Variants in BAHCC1 observed in about 807,000 individuals in gnomAD.
BAHCC1 encodes the protein BAH and coiled-coil domain-containing protein 1.
Under a neutral mutation model 88.2 loss-of-function variants are expected in BAHCC1, and 43 were observed. That is an observed-to-expected ratio of 0.49 (90% CI 0.38 to 0.63). BAHCC1 has a LOEUF of 0.63. Among genes scored for constraint, BAHCC1 ranks in the 20% least tolerant of loss-of-function variants. The pLI is 0.00. For missense variants in BAHCC1, 3,023 were observed against 1,654.8 expected (o/e 1.83, Z -14.34); for synonymous variants, 1,510 against 745.5 (o/e 2.03, Z -16.71).
chr17:81,432,578 C>CCCTCCCTCCCATCGCCGGGCCCAT (rs2064275140), intron 3 of BAHCC1, among the ~76,000 whole-genome samples: 1 of 138,012 alleles, frequency 7.2e-6, no homozygotes, highest in Admixed American at 7.2e-5. Context: ...GCCGGGCCCA[C>CCCTCCCTCCCATCGCCGGGCCCAT]CCTCCCCTCC....
Position 81,460,561 on chromosome 17 carries a change from T to G in BAHCC1, c.6057T>G (p.Ser2019=). 1 of 767,184 alleles carries G rather than the reference T, an allele frequency of 1.3e-6. No individual in the cohort carries two copies. Among genetic ancestry groups the G allele is most frequent in the Non-Finnish European group, 2.4e-6 (1 of 411,814 alleles). The allele number at this position is 767,184 out of a possible 1,614,324, so 47.5% of individuals were successfully genotyped here. ...AGCCCTCTCCAGCCCTGCTAGTGTC[T>G]AGCAGCTGCCGGAGGACCAAGAAGG... ...CTEPSPALLV[S]SSCRRTKKVS... is the part of the protein sequence containing the mutation. The change falls in exon 25 of 28, where the codon TCT becomes TCG. Residue 2019 remains serine (S), a synonymous_variant. Coordinates refer to ENST00000675386, the MANE Select transcript of BAHCC1 (RefSeq NM_001377448.1).
At chr17:81,424,600 GGTT>G (rs1354701188) in intron 2 of BAHCC1, among the ~76,000 whole-genome samples, 18 of 152,026 alleles carry the variant, frequency 1.2e-4, no homozygotes, top group South Asian at 4.1e-4. Context: ...GTGGTGGTGT[GGTT>G]GTTGTTGAAT....
chr17:81,431,231 G>T (rs1363405270), intron 3 of BAHCC1, among the ~76,000 whole-genome samples: 1 of 152,056 alleles, frequency 6.6e-6, no homozygotes, highest in Admixed American at 6.5e-5. Flanking sequence ...CATACCCTCG[G>T]CCCCTCACCG....
intron 23 of BAHCC1, 32 bp from the exon 24 acceptor site, chr17:81,460,245 T>C: frequency 1.4e-6 from 1 of 737,300 alleles, no homozygotes; most frequent in Non-Finnish European, 2.5e-6. Flanking sequence ...TACTGGGGGT[T>C]CCAGCTGCAA....
chr17:81,427,105 A>G (rs1171591987), intron 3 of BAHCC1, 126 bp downstream of exon 3: 1 of 398,098 alleles, frequency 2.5e-6, no homozygotes, highest in Non-Finnish European at 4.4e-6. Flanking sequence ...GACGGTGACA[A>G]GCAGGCTCGG....
In BAHCC1 at chr17:81,432,886, CCCCCCCCATCCCCAGGCCCACCCTT is replaced by C. The variant is rs1277931278; in HGVS notation, c.359-5477_359-5453del. ...TTCCCCCCATCCCCAGGCCCAACCTCCCCCCCCATCCCCAGGCCCACCCTTCCCCCCATCCCCAGGAAGGCTGCGC... is the reference window on the plus strand; with the variant it reads ...TTCCCCCCATCCCCAGGCCCAACCTCCCCCCCATCCCCAGGAAGGCTGCGC... On this transcript the variant is annotated intron_variant, in intron 3 of 27. Transcript: ENST00000675386. Among the ~76,000 whole-genome samples the C allele has an allele frequency of 7.6e-3, 87 of 11,462 alleles. 4 individuals are homozygous for C. Among genetic ancestry groups the C allele is most frequent in the African/African-American group, 0.05 (80 of 1,590 alleles). The allele number at this position is 11,462 out of a possible 152,430, so 7.5% of individuals were successfully genotyped here. A position where few individuals can be genotyped will look rare whatever the true frequency, so the allele number is the denominator to read the frequency against.
At position 81,445,493 on chromosome 17, in the gene BAHCC1, C is replaced by G. The variant is rs782014773; in HGVS notation, c.2975C>G (p.Pro992Arg). 6 of 749,808 alleles carry G rather than the reference C, an allele frequency of 8.0e-6. No homozygotes were observed. 46.4% of individuals were successfully genotyped at this position (749,808 alleles called of 1,614,324 possible). A position where few individuals can be genotyped will look rare whatever the true frequency, so the allele number is the denominator to read the frequency against. ...SPAAGPTKLP[P>R]CCHPPDPKPP... ...GCTGCAGGCCCCACCAAGCTGCCACCTTGCTGCCATCCGCCCGACCCAAAG... is the reference window on the plus strand; with the variant it reads ...GCTGCAGGCCCCACCAAGCTGCCACGTTGCTGCCATCCGCCCGACCCAAAG... The change falls in exon 10 of 28, where the codon CCT (proline) becomes CGT (arginine). Residue 992 changes from proline to arginine, a missense_variant. Transcript: ENST00000675386.
chr17:81,437,731 G>A (rs558381454), intron 3 of BAHCC1, among the ~76,000 whole-genome samples: 2 of 152,228 alleles, frequency 1.3e-5, no homozygotes, highest in Admixed American at 6.5e-5. Context: ...GGCATGACTC[G>A]GAGTCACCGC....
At chr17:81,418,796 C>CGTGTGTGCGTGTGTGTGTGTGCGCGCAT (rs1555649106) in intron 2 of BAHCC1, among the ~76,000 whole-genome samples, 19 of 144,918 alleles carry the variant, frequency 1.3e-4, no homozygotes, top group South Asian at 6.5e-4. Flanking sequence ...TACGTGTGTG[C>CGTGTGTGCGTGTGTGTGTGTGCGCGCAT]GTGTGTGTGT....
chr17:81,458,637 T>C lies in BAHCC1; in HGVS notation c.5360T>C (p.Leu1787Pro). The C allele has an allele frequency of 9.8e-6, 7 of 717,578 alleles. No individual in the cohort carries two copies. Among genetic ancestry groups the C allele is most frequent in the Non-Finnish European group, 1.6e-5 (6 of 385,380 alleles). The allele number at this position is 717,578 out of a possible 1,614,324, so 44.5% of individuals were successfully genotyped here. The change falls in exon 19 of 28, where the codon CTG becomes CCG. Residue 1787 changes from leucine to proline, a missense_variant. Leu to Pro is a moderately conservative substitution (Grantham distance 98). Coordinates refer to ENST00000675386, the MANE Select transcript of BAHCC1 (RefSeq NM_001377448.1). ...CACGCGCAGCGGAAGAACGGGGCCC[T>C]GTCCATCACGCTGGCCACACGCAAC... ...QPVLRRKNGALSITLATRNAK... is the reference protein window; with the variant it reads ...QPVLRRKNGAPSITLATRNAK...
chr17:81,463,872 G>A lies in BAHCC1; in HGVS notation c.*55G>A. The A allele has an allele frequency of 1.4e-6, 1 of 692,904 alleles. No homozygotes were observed. Among genetic ancestry groups the A allele is most frequent in the Admixed American group, 2.0e-5 (1 of 49,758 alleles). The allele number at this position is 692,904 out of a possible 1,614,324, so 42.9% of individuals were successfully genotyped here. Reference sequence around the variant, plus strand: ...GCCAGGGACCCTGTGTGCGGAGCCTGGCGTCGGCCAAGCCACCGGGCAGGA... The same window carrying A: ...GCCAGGGACCCTGTGTGCGGAGCCTAGCGTCGGCCAAGCCACCGGGCAGGA... On this transcript the variant is annotated 3_prime_UTR_variant, in exon 28 of 28. Coordinates refer to ENST00000675386, the MANE Select transcript of BAHCC1 (RefSeq NM_001377448.1).
intron 14 of BAHCC1, among the ~76,000 whole-genome samples, chr17:81,454,723 A>G (rs977643050): frequency 2.6e-5 from 4 of 152,144 alleles, no homozygotes; most frequent in Non-Finnish European, 5.9e-5. Flanking sequence ...CCCGGCCTGC[A>G]TAAGCCCTGC....
In BAHCC1 at chr17:81,399,513, CCT is replaced by C; in HGVS notation, c.-206-18_-206-17del. On this transcript the variant is annotated intron_variant, in intron 1 of 27. Transcript: ENST00000675386. This position sits in a 1 kb window ranked among gnomAD's most constrained non-coding sequence, Gnocchi z 4.5. The stretch of plus-strand genomic sequence containing the variant: ...CCGAGCCCCCCAGTCACCCGTGTCT[CCT>C]CTGCTTTTGCCTCCACAGACCATGG... 2 of 340,070 alleles carry C rather than the reference CCT, an allele frequency of 5.9e-6. No homozygotes were observed. Among genetic ancestry groups the C allele is most frequent in the South Asian group, 4.1e-5 (2 of 49,100 alleles). The allele number at this position is 340,070 out of a possible 1,614,324, so 21.1% of individuals were successfully genotyped here.
chr17:81,435,519 G>C lies in BAHCC1; in HGVS notation c.359-2851G>C. 2.1e-6 allele frequency: 1 copy of C among 470,582 alleles called. No homozygotes were observed. The highest frequency in any genetic ancestry group is 4.4e-6 in the Non-Finnish European group (1 of 226,748). 29.2% of individuals were successfully genotyped at this position (470,582 alleles called of 1,614,324 possible). A position where few individuals can be genotyped will look rare whatever the true frequency, so the allele number is the denominator to read the frequency against. ...GCCCAGGGCTTGCCCTTGTCTGTTGGGGTGATCATAAAAGCTCCCGTCTCA... is the reference window on the plus strand; with the variant it reads ...GCCCAGGGCTTGCCCTTGTCTGTTGCGGTGATCATAAAAGCTCCCGTCTCA... On this transcript the variant is annotated intron_variant, in intron 3 of 27. Coordinates refer to ENST00000675386, the MANE Select transcript of BAHCC1 (RefSeq NM_001377448.1). The surrounding 1 kb of genome is among the most constrained non-coding windows in gnomAD (Gnocchi z 4.4).
At chr17:81,429,565 G>A (rs1172596257) in intron 3 of BAHCC1, among the ~76,000 whole-genome samples, 2 of 152,190 alleles carry the variant, frequency 1.3e-5, no homozygotes, top group East Asian at 1.9e-4. Context: ...CCCGTGCGCC[G>A]GGCCTGTTTC....
intron 2 of BAHCC1, among the ~76,000 whole-genome samples, chr17:81,406,142 C>T (rs1046241842): frequency 7.9e-5 from 12 of 152,188 alleles, no homozygotes; most frequent in African/African-American, 2.9e-4. Context: ...AAAAAGAAGC[C>T]CTCCCTCAAG....
In BAHCC1 at chr17:81,451,951, C is replaced by T. The variant is rs778369516; in HGVS notation, c.4180-20C>T. 6.5e-6 allele frequency: 4 copies of T among 611,554 alleles called. No homozygotes were observed. The highest frequency in any genetic ancestry group is 1.2e-5 in the Non-Finnish European group (4 of 341,786). The allele number at this position is 611,554 out of a possible 1,614,324, so 37.9% of individuals were successfully genotyped here. On this transcript the variant is annotated intron_variant, in intron 12 of 27. Coordinates refer to ENST00000675386, the MANE Select transcript of BAHCC1 (RefSeq NM_001377448.1). ...CTGGGCCCTGGCCCGGCTCACAGGC[C>T]CCTGTGCCCCCCCCACCAGGTGTGC...
chr17:81,405,506 C>T (rs944325112), intron 2 of BAHCC1, among the ~76,000 whole-genome samples: 4 of 152,126 alleles, frequency 2.6e-5, no homozygotes, highest in Non-Finnish European at 5.9e-5. Context: ...TCTGCCTCCC[C>T]CGCCCCCAAT....
At chr17:81,444,638 G>T in intron 7 of BAHCC1, 30 bp from the exon 8 acceptor site, 1 of 766,906 alleles carries the variant, frequency 1.3e-6, no homozygotes. Flanking sequence ...GAGAGTGCGA[G>T]GCCTGACCAC....
Sources: allele counts gnomAD v4.1 joint callset (sites outside exome capture counted in the v4.1 genomes callset), GRCh38; gene constraint gnomAD v4.1.1; non-coding constraint Gnocchi (gnomAD v3.1); transcripts MANE v1.5; gene names NCBI Gene and HGNC (gene_info 2026-07-23, HGNC 2026-07-21).